The following SLC4A4 variants were observed in gnomAD, a reference collection of about 807,000 sequenced individuals.
SLC4A4 encodes solute carrier family 4 member 4.
A neutral mutation model predicts 111.5 loss-of-function variants in SLC4A4; 27 were observed. The ratio of observed to expected loss-of-function variants is 0.24; its 90% CI spans 0.18 to 0.33. The LOEUF (loss-of-function observed/expected upper bound fraction) is 0.33, where lower values mean the gene tolerates loss of function less well. Ranked by LOEUF, SLC4A4 falls within the 10% of genes least tolerant of loss-of-function variation. The pLI, the probability that SLC4A4 is intolerant of heterozygous loss-of-function variation, is 1.00. For missense variants in SLC4A4, 909 were observed against 1,315.5 expected, an observed-to-expected ratio of 0.69 and a Z score of 4.78; for synonymous variants, 443 against 463.4, an observed-to-expected ratio of 0.96 and a Z score of 0.57.
intron 1 of SLC4A4, among the ~76,000 whole-genome samples, chr4:71,068,671 C>T (rs537788752): frequency 2.8e-3 from 432 of 152,134 alleles, no homozygotes; most frequent in Non-Finnish European, 4.8e-3. Context: ...AAGTGATCCT[C>T]CAACCTTAGC....
At chr4:71,257,345 G>T (rs762230742) in intron 3 of SLC4A4, among the ~76,000 whole-genome samples, 6 of 152,154 alleles carry the variant, frequency 3.9e-5, no homozygotes, top group Non-Finnish European at 8.8e-5. Flanking sequence ...GCATTTTACC[G>T]TTTTGTTCCT....
chr4:71,257,754 G>A (rs550402182), intron 3 of SLC4A4, among the ~76,000 whole-genome samples: 1 of 152,248 alleles, frequency 6.6e-6, no homozygotes, highest in African/African-American at 2.4e-5. Context: ...ACATGTGTCT[G>A]GCAGTGCGCG....
intron 6 of SLC4A4, among the ~76,000 whole-genome samples, chr4:71,364,574 G>A (rs905969204): frequency 2.0e-5 from 3 of 152,244 alleles, no homozygotes; most frequent in South Asian, 2.1e-4. Flanking sequence ...ATGGATCCTC[G>A]CAAGGTGGAA....
chr4:71,079,297 C>T (rs114833638), intron 1 of SLC4A4, among the ~76,000 whole-genome samples: 3,474 of 152,078 alleles, frequency 0.023, 78 homozygotes, highest in African/African-American at 0.054. Flanking sequence ...ATCGCAAGCC[C>T]GAGGCAGGTG....
At chr4:71,477,969 G>C (rs1057072555) in intron 14 of SLC4A4, among the ~76,000 whole-genome samples, 1 of 151,890 alleles carries the variant, frequency 6.6e-6, no homozygotes, top group Non-Finnish European at 1.5e-5. Context: ...GATATGAACA[G>C]ACACTTCTTG....
At chr4:71,194,997 G>A (rs945458550) in intron 1 of SLC4A4, among the ~76,000 whole-genome samples, 1 of 152,004 alleles carries the variant, frequency 6.6e-6, no homozygotes, top group Non-Finnish European at 1.5e-5. Context: ...GCTTGATGTT[G>A]TGACTATTCA....
At chr4:71,102,804 T>C (rs1377802959) in intron 2 of SLC4A4, among the ~76,000 whole-genome samples, 17 of 151,536 alleles carry the variant, frequency 1.1e-4, no homozygotes, top group Admixed American at 2.0e-4. Flanking sequence ...CGGTACCAGC[T>C]GCTGCAAAAT....
chr4:71,301,629 A>G (rs187402315), intron 3 of SLC4A4, among the ~76,000 whole-genome samples: 24 of 152,298 alleles, frequency 1.6e-4, no homozygotes, highest in Admixed American at 1.4e-3. Context: ...TTGCATAGTG[A>G]CTGCAAATAG....
intron 2 of SLC4A4, among the ~76,000 whole-genome samples, chr4:71,164,842 T>C (rs1477845507): frequency 6.6e-6 from 1 of 151,404 alleles, no homozygotes; most frequent in African/African-American, 2.4e-5. Flanking sequence ...ACAAAGAACT[T>C]AAACAAATTT....
chr4:71,449,605 G>A (rs1314330387), intron 9 of SLC4A4, among the ~76,000 whole-genome samples: 5 of 152,160 alleles, frequency 3.3e-5, no homozygotes, highest in Non-Finnish European at 5.9e-5. Flanking sequence ...TTAAGAATAG[G>A]TAAGGGTATT....
chr4:71,347,000 A>G (rs1729385504), intron 4 of SLC4A4, among the ~76,000 whole-genome samples: 1 of 152,182 alleles, frequency 6.6e-6, no homozygotes, highest in African/African-American at 2.4e-5. Flanking sequence ...TTATAAATAT[A>G]GATTTTAAGA....
chr4:71,254,075 T>A (rs1560817352), intron 2 of SLC4A4, among the ~76,000 whole-genome samples: 1 of 152,168 alleles, frequency 6.6e-6, no homozygotes, highest in African/African-American at 2.4e-5. Flanking sequence ...TGTATGTACA[T>A]GTATTTGCAT....
chr4:71,339,318 T>A lies in SLC4A4; in HGVS notation c.254-52T>A, dbSNP rs200944017. ...GAGAGGAAGAGCCCGGAGCTCCACTTTCCTCAGGGTTGTCCAGCCAATGTT... is the reference window on the plus strand; with the variant it reads ...GAGAGGAAGAGCCCGGAGCTCCACTATCCTCAGGGTTGTCCAGCCAATGTT... On this transcript the variant is annotated intron_variant, in intron 3 of 25. Transcript: ENST00000264485. The A allele has an allele frequency of 1.1e-4, 183 of 1,614,110 alleles. No homozygotes were observed. Among genetic ancestry groups the A allele is most frequent in the Middle Eastern group, 1.6e-4 (1 of 6,062 alleles).
rs761137685 is a variant in SLC4A4 at position 71,450,406 on chromosome 4, T to C, written c.1071T>C (p.Ala357=). ...LMSDEVFHDI[A]YKAKDRHDLI... ...TTCTTTAGGTGTTCCATGACATTGC[T>C]TATAAAGCAAAAGACAGGCACGACC... The change falls in exon 10 of 26, where the codon GCT becomes GCC. Residue 357 remains alanine, a synonymous_variant. Transcript: ENST00000264485. 1 of 1,611,622 alleles carries C rather than the reference T, an allele frequency of 6.2e-7. No individual in the cohort carries two copies. Among genetic ancestry groups the C allele is most frequent in the Non-Finnish European group, 8.5e-7 (1 of 1,177,754 alleles).
chr4:71,142,858 C>T (rs926251303), intron 2 of SLC4A4, among the ~76,000 whole-genome samples: 31 of 148,396 alleles, frequency 2.1e-4, no homozygotes, highest in South Asian at 1.3e-3. Context: ...TAGGCATGCG[C>T]AAACTGGCCC....
intron 2 of SLC4A4, among the ~76,000 whole-genome samples, chr4:71,249,906 A>G (rs1311413930): frequency 6.6e-6 from 1 of 151,768 alleles, no homozygotes. Context: ...AATCACTTGT[A>G]TATTATTAAA....
At chr4:71,283,102 A>T (rs887186301) in intron 3 of SLC4A4, among the ~76,000 whole-genome samples, 1 of 152,218 alleles carries the variant, frequency 6.6e-6, no homozygotes, top group Non-Finnish European at 1.5e-5. Context: ...GCTACTCTTC[A>T]TCTTTTATGA....
At chr4:71,391,873 A>G (rs1445724748) in intron 6 of SLC4A4, among the ~76,000 whole-genome samples, 1 of 152,106 alleles carries the variant, frequency 6.6e-6, no homozygotes, top group Non-Finnish European at 1.5e-5. Context: ...CCAAGAAGCA[A>G]CATACTTTAG....
intron 17 of SLC4A4, among the ~76,000 whole-genome samples, chr4:71,533,513 AC>A (rs1734129878): frequency 6.6e-6 from 1 of 151,874 alleles, no homozygotes; most frequent in Admixed American, 6.6e-5. Flanking sequence ...AGCGTAGGAA[AC>A]CCTTTTTTTT....
Sources: allele counts gnomAD v4.1 joint callset (sites outside exome capture counted in the v4.1 genomes callset), GRCh38; gene constraint gnomAD v4.1.1; transcripts MANE v1.5; gene names NCBI Gene and HGNC (gene_info 2026-07-23, HGNC 2026-07-21).